CEP192: variants seen among roughly 807,000 people sequenced by gnomAD.
The protein encoded by CEP192 is centrosomal protein 192.
Under a neutral mutation model 271.8 loss-of-function variants are expected in CEP192, and 151 were observed. The ratio of observed to expected loss-of-function variants is 0.56; its 90% CI spans 0.49 to 0.64. The LOEUF (loss-of-function observed/expected upper bound fraction) is 0.64, where lower values mean the gene tolerates loss of function less well. CEP192 is among the 30% of genes least tolerant of loss of function. The pLI is 0.00. For synonymous variants in CEP192, 995 were observed against 1,076.5 expected (o/e 0.92, Z 1.48); for missense variants, 2,910 against 3,020.5 (o/e 0.96, Z 0.86).
intron 15 of CEP192, among the ~76,000 whole-genome samples, chr18:13,047,657 C>T (rs1382419130): frequency 6.6e-6 from 1 of 152,148 alleles, no homozygotes; most frequent in Non-Finnish European, 1.5e-5. Flanking sequence ...TTTGCTTTAC[C>T]TAGTCTGCTG....
chr18:13,062,272 A>C (rs1343102662), intron 21 of CEP192, among the ~76,000 whole-genome samples: 1 of 152,210 alleles, frequency 6.6e-6, no homozygotes, highest in African/African-American at 2.4e-5. Context: ...CTGATGGTTC[A>C]GTAGGATTTG....
chr18:13,080,054 T>TGAAGTCA (rs1355178988), intron 30 of CEP192, among the ~76,000 whole-genome samples: 1 of 152,358 alleles, frequency 6.6e-6, no homozygotes, highest in Admixed American at 6.5e-5. Context: ...TAGTATAGTT[T>TGAAGTCA]GAAGTCAGGT....
chr18:13,057,656 C>T lies in CEP192; in HGVS notation c.4180C>T (p.Leu1394Phe), dbSNP rs61740922. Residue 1394 changes from leucine (L) to phenylalanine (F), a missense_variant, in exon 20 of 45, where the codon CTC becomes TTC. Physicochemically the swap from Leu to Phe is conservative, Grantham distance 22. Coordinates refer to ENST00000506447, the MANE Select transcript of CEP192 (RefSeq NM_032142.4). ...CCVGIASQTL[L>F]SVLNPTDRWL... ...TGTCGGGATCGCTTCCCAGACCCTC[C>T]TCAGTGTGCTTAATCCAACTGACCG... The T allele has an allele frequency of 0.019, 30,994 of 1,614,144 alleles. 365 individuals are homozygous for T. Among genetic ancestry groups the T allele is most frequent in the Middle Eastern group, 0.038 (229 of 6,058 alleles).
intron 9 of CEP192, among the ~76,000 whole-genome samples, chr18:13,020,589 A>T (rs983331302): frequency 6.6e-6 from 1 of 152,170 alleles, no homozygotes; most frequent in African/African-American, 2.4e-5. Flanking sequence ...TTGGATATAT[A>T]TGTAGGAGTG....
chr18:13,008,702 A>AT (rs796795541), intron 4 of CEP192, 71 bp downstream of exon 4: 80,700 of 928,542 alleles, frequency 0.087, 55 homozygotes, highest in Non-Finnish European at 0.093. Flanking sequence ...TTATCTTTGG[A>AT]TTTTTTTTTT....
chr18:13,067,732 A>T, intron 21 of CEP192, 99 bp from the exon 22 acceptor site: 1 of 936,434 alleles, frequency 1.1e-6, no homozygotes, highest in Non-Finnish European at 1.6e-6. Context: ...CTTACTGCTG[A>T]CTCATAATTT....
In CEP192 at chr18:13,087,651, A is replaced by G; in HGVS notation, c.5993+5A>G. The G allele has an allele frequency of 3.6e-6, 5 of 1,395,008 alleles. No individual in the cohort carries two copies. The highest frequency in any genetic ancestry group is 4.0e-6 in the Non-Finnish European group (4 of 1,011,472). 86.4% of individuals were successfully genotyped at this position (1,395,008 alleles called of 1,614,324 possible). On this transcript the variant is annotated splice_donor_5th_base_variant and intron_variant, in intron 32 of 44. Transcript: ENST00000506447. ...TTCAAGACAGCAGTATCGCAGGTAG[A>G]TTACTTATCTTACACAATGTTGGGA...
chr18:13,006,710 GC>G (rs1444634900), intron 3 of CEP192, among the ~76,000 whole-genome samples: 2 of 152,090 alleles, frequency 1.3e-5, no homozygotes, highest in East Asian at 3.8e-4. Flanking sequence ...TGTGTATGTA[GC>G]TCTTATTTCT....
Position 13,068,160 on chromosome 18 carries a change from C to T in CEP192, c.4681C>T (p.Pro1561Ser), listed in dbSNP as rs1313152126. Residue 1561 changes from proline to serine, a missense_variant, in exon 23 of 45, where the codon CCT becomes TCT. Coordinates refer to ENST00000506447, the MANE Select transcript of CEP192 (RefSeq NM_032142.4). ...CGTCCGAGCTCCTGTGGAAGTTGCT[C>T]CTTGCGCTGATGTGGTCACTCGGCT... ...ESVRAPVEVA[P>S]CADVVTRLAG... 1.9e-6 allele frequency: 3 copies of T among 1,614,112 alleles called. No homozygotes were observed. Among genetic ancestry groups the T allele is most frequent in the African/African-American group, 1.3e-5 (1 of 74,924 alleles).
intron 4 of CEP192, among the ~76,000 whole-genome samples, chr18:13,010,975 C>G (rs2145893819): frequency 6.6e-6 from 1 of 151,734 alleles, no homozygotes; most frequent in Non-Finnish European, 1.5e-5. Context: ...GCCTGTAATC[C>G]CAGCACTTTG....
intron 9 of CEP192, 48 bp from the exon 10 acceptor site, chr18:13,029,615 C>A: frequency 2.6e-6 from 3 of 1,146,928 alleles, no homozygotes; most frequent in Admixed American, 3.0e-5. Flanking sequence ...TTATAAAAAA[C>A]AAGACTTACT....
chr18:13,059,323 G>T lies in CEP192; in HGVS notation c.4488+11G>T. ...AGTCCTGTTATTGAGGTACCTGTTT[G>T]AAAATGAATCTTTGTCATACCTGGC... On this transcript the variant is annotated intron_variant, in intron 21 of 44. Transcript: ENST00000506447. 6.2e-7 allele frequency: 1 copy of T among 1,601,356 alleles called. No homozygotes were observed. The highest frequency in any genetic ancestry group is 1.1e-5 in the South Asian group (1 of 90,744).
In CEP192 at chr18:13,059,086, A is replaced by C; in HGVS notation, c.4262A>C (p.Asp1421Ala). The C allele has an allele frequency of 6.2e-7, 1 of 1,609,062 alleles. No homozygotes were observed. The highest frequency in any genetic ancestry group is 8.5e-7 in the Non-Finnish European group (1 of 1,175,560). The change falls in exon 21 of 45, where the codon GAT becomes GCT. Residue 1421 changes from aspartate (D) to alanine (A), a missense_variant. By Grantham distance (126) the Asp-to-Ala change is moderately radical (BLOSUM62 -2). Transcript: ENST00000506447. ...CTTTATGGCTCTTTTTTGAAGGTGG[A>C]TCTTTCAACATATCGTTGTTTAGTT... ...LSISVNGEKV[D>A]LSTYRCLVFK...
In CEP192 at chr18:13,056,283, C is replaced by T. The variant is rs746697256; in HGVS notation, c.3693C>T (p.Ser1231=). 6.2e-7 allele frequency: 1 copy of T among 1,613,926 alleles called. No homozygotes were observed. Among genetic ancestry groups the T allele is most frequent in the Admixed American group, 1.7e-5 (1 of 60,022 alleles). ...SENQCTPIPS[S]TVHSSVADMQ... Reference sequence around the variant, plus strand: ...ACCAGTGTACTCCTATTCCCAGCAGCACAGTTCACAGCTCTGTGGCTGACA... The same window carrying T: ...ACCAGTGTACTCCTATTCCCAGCAGTACAGTTCACAGCTCTGTGGCTGACA... Residue 1231 remains serine, a synonymous_variant, in exon 19 of 45, where the codon AGC becomes AGT. Coordinates refer to ENST00000506447, the MANE Select transcript of CEP192 (RefSeq NM_032142.4).
chr18:13,045,951 G>A (rs2036450685), intron 15 of CEP192, among the ~76,000 whole-genome samples: 1 of 152,092 alleles, frequency 6.6e-6, no homozygotes, highest in Admixed American at 6.5e-5. Context: ...AGATGTTATA[G>A]GGACATACTG....
chr18:13,041,946 G>A (rs1377979506), intron 14 of CEP192, among the ~76,000 whole-genome samples: 1 of 152,178 alleles, frequency 6.6e-6, no homozygotes, highest in African/African-American at 2.4e-5. Flanking sequence ...GAGTTTATGT[G>A]TGTATTTGCA....
intron 15 of CEP192, among the ~76,000 whole-genome samples, 180 bp downstream of exon 15, chr18:13,042,514 C>T (rs569597451): frequency 6.6e-6 from 1 of 152,264 alleles, no homozygotes; most frequent in East Asian, 1.9e-4. Flanking sequence ...ATATAATATA[C>T]ACACAGATGA....
intron 15 of CEP192, 111 bp downstream of exon 15, chr18:13,042,445 C>T (rs993126058): frequency 1.8e-5 from 21 of 1,141,694 alleles, no homozygotes; most frequent in Non-Finnish European, 2.5e-5. Flanking sequence ...TCTTTTCTTT[C>T]CTGGCTTCAG....
chr18:13,004,044 G>A (rs2033825544), intron 3 of CEP192, among the ~76,000 whole-genome samples: 1 of 152,178 alleles, frequency 6.6e-6, no homozygotes, highest in African/African-American at 2.4e-5. Flanking sequence ...TAAAAGAAGA[G>A]TTACCTAACT....
Sources: gnomAD v4.1 joint callset for allele counts (sites outside exome capture counted in the v4.1 genomes callset) on GRCh38, gnomAD v4.1.1 for gene constraint, MANE v1.5 for transcripts, NCBI Gene and HGNC (gene_info 2026-07-23, HGNC 2026-07-21) for gene names.